The following MYO5B variants were observed in gnomAD, a reference collection of about 807,000 sequenced individuals.
MYO5B encodes unconventional myosin-Vb.
MYO5B carries 143 observed loss-of-function variants against 229.3 expected under a neutral mutation model. That is an observed-to-expected ratio of 0.62 (90% confidence interval 0.54 to 0.72). The LOEUF (loss-of-function observed/expected upper bound fraction) is 0.72. MYO5B is among the 30% of genes least tolerant of loss of function. MYO5B has a pLI of 0.00. For synonymous variants in MYO5B, 918 were observed against 885.2 expected (o/e 1.04, Z -0.66); for missense variants, 2,321 against 2,331.0 (o/e 1.00, Z 0.09).
intron 21 of MYO5B, among the ~76,000 whole-genome samples, chr18:49,901,819 T>G (rs1232564325): frequency 2.0e-5 from 3 of 152,220 alleles, no homozygotes; most frequent in Non-Finnish European, 4.4e-5. Flanking sequence ...CTGCCACCTG[T>G]GTGACTTTAG....
At chr18:50,085,059 C>A (rs2031302012) in intron 1 of MYO5B, among the ~76,000 whole-genome samples, 1 of 152,188 alleles carries the variant, frequency 6.6e-6, no homozygotes, top group South Asian at 2.1e-4. Context: ...CAAAAACTGA[C>A]AAATGGGATC....
intron 30 of MYO5B, among the ~76,000 whole-genome samples, chr18:49,856,274 C>T (rs1043278607): frequency 2.6e-5 from 4 of 152,200 alleles, no homozygotes; most frequent in Admixed American, 6.5e-5. Context: ...GATGTCAAGG[C>T]GCATGCACTG....
chr18:49,961,378 T>C (rs993725221), intron 12 of MYO5B, among the ~76,000 whole-genome samples: 9 of 152,204 alleles, frequency 5.9e-5, no homozygotes, highest in Middle Eastern at 6.3e-3. Context: ...AACTGGTATA[T>C]TTTTCTCTGT....
chr18:50,001,978 G>C (rs1432048452), intron 4 of MYO5B, among the ~76,000 whole-genome samples: 1 of 149,778 alleles, frequency 6.7e-6, no homozygotes, highest in Non-Finnish European at 1.5e-5. Context: ...AGAGGTTGCA[G>C]TGAGCCGAGA....
intron 7 of MYO5B, among the ~76,000 whole-genome samples, chr18:49,988,351 C>T (rs938592110): frequency 2.6e-5 from 4 of 152,154 alleles, no homozygotes; most frequent in African/African-American, 9.7e-5. Flanking sequence ...AAGCGCTTGT[C>T]AAAGGCTCTT....
chr18:50,134,652 T>C (rs1042952512), intron 1 of MYO5B, among the ~76,000 whole-genome samples: 1 of 152,270 alleles, frequency 6.6e-6, no homozygotes, highest in South Asian at 2.1e-4. Context: ...ATTTCTTGCA[T>C]GTAAGAACCC....
At chr18:50,003,479 G>A (rs77642030) in intron 4 of MYO5B, among the ~76,000 whole-genome samples, 2,805 of 152,138 alleles carry the variant, frequency 0.018, 89 homozygotes, top group African/African-American at 0.065. Context: ...TGTTTGTATC[G>A]CCTCTTCTCA....
chr18:50,193,756 T>G (rs2033259789), intron 1 of MYO5B, among the ~76,000 whole-genome samples: 1 of 152,244 alleles, frequency 6.6e-6, no homozygotes, highest in Non-Finnish European at 1.5e-5. Context: ...AAAACTTGTT[T>G]TCTTAAAGGT....
In MYO5B at chr18:49,934,890, G is replaced by T. The variant is rs138329756; in HGVS notation, c.2003+1362C>A. On this transcript the variant is annotated intron_variant, in intron 16 of 39. Transcript: ENST00000285039. ...CAGTCTGAGAGTCAAAATTGTCAAA[G>T]TAAGTTATTTCACAGAAAGAAATTA... 4.7e-4 allele frequency among the ~76,000 whole-genome samples: 72 copies of T among 152,292 alleles called. 1 individual carries two copies. In the East Asian group the frequency reaches 0.014, roughly 29 times the overall value.
intron 2 of MYO5B, among the ~76,000 whole-genome samples, chr18:50,045,454 G>C (rs1200299203): frequency 1.3e-5 from 2 of 152,134 alleles, no homozygotes; most frequent in African/African-American, 4.8e-5. Flanking sequence ...AGTGCAATGA[G>C]GCAATCTTGA....
intron 1 of MYO5B, among the ~76,000 whole-genome samples, chr18:50,099,766 C>A (rs9949017): frequency 1.3e-5 from 2 of 152,142 alleles, no homozygotes; most frequent in African/African-American, 4.8e-5. Context: ...GAGAAATACA[C>A]GGTATCTTGT....
chr18:50,033,934 A>C (rs2026419509), intron 4 of MYO5B, among the ~76,000 whole-genome samples: 2 of 152,050 alleles, frequency 1.3e-5, no homozygotes, highest in Non-Finnish European at 2.9e-5. Context: ...ATGGGGGGGA[A>C]TAAAGATCTA....
intron 2 of MYO5B, among the ~76,000 whole-genome samples, chr18:50,046,386 C>A (rs1472463822): frequency 6.6e-6 from 1 of 152,206 alleles, no homozygotes; most frequent in Non-Finnish European, 1.5e-5. Flanking sequence ...AAACTGAACC[C>A]AAGTTCTGTA....
intron 27 of MYO5B, among the ~76,000 whole-genome samples, chr18:49,870,119 T>C (rs950849959): frequency 6.6e-6 from 1 of 152,178 alleles, no homozygotes; most frequent in African/African-American, 2.4e-5. Context: ...GAATATCACA[T>C]GAGGAAAGTA....
chr18:49,938,553 C>T (rs2025276437), intron 14 of MYO5B, among the ~76,000 whole-genome samples: 1 of 152,092 alleles, frequency 6.6e-6, no homozygotes, highest in South Asian at 2.1e-4. Context: ...AGATGCTAGG[C>T]TCTGCTCCTT....
rs765610800 is a variant in MYO5B, at chr18:50,070,018, CTT to C, written c.28-14642_28-14641del. Among the ~76,000 whole-genome samples, 426 of 110,032 alleles carry C rather than the reference CTT, an allele frequency of 3.9e-3. 3 individuals are homozygous for C. Among genetic ancestry groups the C allele is most frequent in the African/African-American group, 0.013 (340 of 26,496 alleles). 72.2% of individuals were successfully genotyped at this position (110,032 alleles called of 152,430 possible). A position where few individuals can be genotyped will look rare whatever the true frequency, so the allele number is the denominator to read the frequency against. On this transcript the variant is annotated intron_variant, in intron 1 of 39. Transcript: ENST00000285039. ...CTTACCTGAAATATTGCAATTTAGT[CTT>C]TTTTTTTTTTTTTTTTTTTGAGACA...
chr18:50,156,840 C>T (rs183688852), intron 1 of MYO5B, among the ~76,000 whole-genome samples: 3 of 152,288 alleles, frequency 2.0e-5, no homozygotes, highest in Admixed American at 1.3e-4. Flanking sequence ...CCAGCCATCA[C>T]ACTAAGTGCC....
At chr18:50,137,031 T>C (rs1259915413) in intron 1 of MYO5B, among the ~76,000 whole-genome samples, 2 of 152,250 alleles carry the variant, frequency 1.3e-5, no homozygotes, top group African/African-American at 4.8e-5. Context: ...GGGAGGCTAG[T>C]GCTTACTTTT....
rs116554248 is a variant in MYO5B at position 50,111,762 on chromosome 18, G to C, written c.28-56384C>G. On this transcript the variant is annotated intron_variant, in intron 1 of 39. Transcript: ENST00000285039. Reference sequence around the variant, plus strand: ...TAAAATAAAACTACGTTTACTAACTGAACATTGGGACTGGAATTTCTAAGT... The same window carrying C: ...TAAAATAAAACTACGTTTACTAACTCAACATTGGGACTGGAATTTCTAAGT... Among the ~76,000 whole-genome samples, 1,370 of 152,304 alleles carry C rather than the reference G, an allele frequency of 9.0e-3. 15 individuals are homozygous for C. The highest frequency in any genetic ancestry group is 0.031 in the African/African-American group (1,291 of 41,570).
Sources: gnomAD v4.1 joint callset for allele counts (sites outside exome capture counted in the v4.1 genomes callset) on GRCh38, gnomAD v4.1.1 for gene constraint, MANE v1.5 for transcripts, NCBI Gene and HGNC (gene_info 2026-07-23, HGNC 2026-07-21) for gene names.